The following KLHL29 variants were observed in gnomAD, a reference collection of about 807,000 sequenced individuals.
KLHL29 encodes kelch-like protein 29.
Under a neutral mutation model 80.4 loss-of-function variants are expected in KLHL29, and 21 were observed. The observed-to-expected ratio is 0.26, with a 90% confidence interval of 0.19 to 0.38. KLHL29 has a LOEUF of 0.38. Ranked by LOEUF, KLHL29 falls within the 10% of genes least tolerant of loss-of-function variation. The pLI is 1.00. For synonymous variants in KLHL29, 511 were observed against 526.8 expected, an observed-to-expected ratio of 0.97 and a Z score of 0.41; for missense variants, 867 against 1,223.9, an observed-to-expected ratio of 0.71 and a Z score of 4.35.
intron 3 of KLHL29, among the ~76,000 whole-genome samples, chr2:23,583,647 G>A (rs965722259): frequency 8.5e-5 from 13 of 152,146 alleles, no homozygotes; most frequent in African/African-American, 2.7e-4. Flanking sequence ...CACTCGATGT[G>A]GCCTCCATTT....
At chr2:23,399,543 T>G (rs1666537246) in intron 1 of KLHL29, among the ~76,000 whole-genome samples, 1 of 152,270 alleles carries the variant, frequency 6.6e-6, no homozygotes, top group Non-Finnish European at 1.5e-5. Context: ...ACCCGCTCTG[T>G]GCTGAGCATT....
chr2:23,706,088 C>T (rs578034115), intron 13 of KLHL29, among the ~76,000 whole-genome samples: 12 of 152,254 alleles, frequency 7.9e-5, no homozygotes, highest in East Asian at 3.9e-4. Context: ...TATTCTCTCT[C>T]GTCATTCTTG....
chr2:23,435,899 CT>C (rs769975340), intron 1 of KLHL29, among the ~76,000 whole-genome samples: 641 of 135,408 alleles, frequency 4.7e-3, no homozygotes, highest in Middle Eastern at 0.019. Context: ...CTCTCTCTCT[CT>C]TTTTTTTTTT....
intron 1 of KLHL29, among the ~76,000 whole-genome samples, chr2:23,422,525 T>C (rs569664789): frequency 6.6e-6 from 1 of 152,084 alleles, no homozygotes; most frequent in Non-Finnish European, 1.5e-5. Context: ...TGTCTCTGTG[T>C]GTGTCCATGT....
chr2:23,513,029 G>C (rs1167692783), intron 2 of KLHL29, among the ~76,000 whole-genome samples: 1 of 152,244 alleles, frequency 6.6e-6, no homozygotes, highest in African/African-American at 2.4e-5. Context: ...GCCATCCTTG[G>C]CATGCTTCAC....
At position 23,700,015 on chromosome 2, in the gene KLHL29, T is replaced by C. The variant is rs1418696421; in HGVS notation, c.2106-3171T>C. Among the ~76,000 whole-genome samples, 1 of 152,186 alleles carries C rather than the reference T, an allele frequency of 6.6e-6. No individual in the cohort carries two copies. ...GTCATTCCTACAAATACAGCTACAC[T>C]CGTGCCATCCTTGACTTCCTCTCTC... On this transcript the variant is annotated intron_variant, in intron 11 of 13. Coordinates refer to ENST00000486442, the MANE Select transcript of KLHL29 (RefSeq NM_052920.2). The surrounding 1 kb of genome is among the most constrained non-coding windows in gnomAD (Gnocchi z 4.6).
intron 2 of KLHL29, among the ~76,000 whole-genome samples, chr2:23,512,696 G>C (rs1047327011): frequency 6.6e-6 from 1 of 152,188 alleles, no homozygotes; most frequent in Non-Finnish European, 1.5e-5. Flanking sequence ...GATCTATATA[G>C]CTCAGTGATT....
At chr2:23,539,546 G>A (rs1448158188) in intron 2 of KLHL29, among the ~76,000 whole-genome samples, 8 of 146,238 alleles carry the variant, frequency 5.5e-5, no homozygotes, top group African/African-American at 1.0e-4. Flanking sequence ...GGCTCAAGCC[G>A]TCCTCCTGCC....
At chr2:23,563,947 G>A (rs73919760) in intron 3 of KLHL29, among the ~76,000 whole-genome samples, 32 of 152,370 alleles carry the variant, frequency 2.1e-4, no homozygotes, top group Admixed American at 1.8e-3. Flanking sequence ...GCGCCAGCCC[G>A]AGCGCTGGTC....
Position 23,695,485 on chromosome 2 carries a change from C to A in KLHL29, c.1543-138C>A. The A allele has an allele frequency of 3.0e-6, 2 of 670,788 alleles. No homozygotes were observed. The highest frequency in any genetic ancestry group is 5.0e-6 in the Non-Finnish European group (2 of 400,906). 41.6% of individuals were successfully genotyped at this position (670,788 alleles called of 1,614,324 possible). The stretch of plus-strand genomic sequence containing the variant: ...AGACTTCCCTTCACCTCTGTCTAGG[C>A]TAGCAGAGTATCTACACTCCCAAGC... On this transcript the variant is annotated intron_variant, in intron 8 of 13. Coordinates refer to ENST00000486442, the MANE Select transcript of KLHL29 (RefSeq NM_052920.2). This position sits in a 1 kb window ranked among gnomAD's most constrained non-coding sequence, Gnocchi z 7.6.
chr2:23,570,969 G>C (rs1250425431), intron 3 of KLHL29, among the ~76,000 whole-genome samples: 1 of 152,202 alleles, frequency 6.6e-6, no homozygotes, highest in African/African-American at 2.4e-5. Flanking sequence ...CCTTTGTCCA[G>C]AGTGGATCTG....
At chr2:23,677,663 G>A (rs1273418480) in intron 5 of KLHL29, among the ~76,000 whole-genome samples, 2 of 152,216 alleles carry the variant, frequency 1.3e-5, no homozygotes, top group African/African-American at 2.4e-5. Flanking sequence ...ACCGGGGAGG[G>A]AGGGCAACAT....
chr2:23,389,002 TTTTTTTTA>T (rs1320326913), intron 1 of KLHL29, among the ~76,000 whole-genome samples: 1 of 106,020 alleles, frequency 9.4e-6, no homozygotes, highest in Non-Finnish European at 2.3e-5. Flanking sequence ...TTTTTTTTTT[TTTTTTTTA>T]AAATCCCAGT....
chr2:23,608,760 C>T (rs1299633030), intron 3 of KLHL29, among the ~76,000 whole-genome samples: 1 of 152,174 alleles, frequency 6.6e-6, no homozygotes, highest in African/African-American at 2.4e-5. Context: ...GCACAGAGCA[C>T]TCAATACAAA....
rs764660781 is a variant in KLHL29, at chr2:23,588,753, G to A, written c.285+26272G>A. 1.7e-4 allele frequency among the ~76,000 whole-genome samples: 26 copies of A among 152,306 alleles called. No homozygotes were observed. The East Asian group carries it at 3.9e-3, about 23-fold the overall frequency. On this transcript the variant is annotated intron_variant, in intron 3 of 13. Transcript: ENST00000486442. ...GGCCAGGGTTGTTCTAGGCTGTACC[G>A]GCAGGTGGACTGGAGGCCACAGAGA...
At chr2:23,505,997 T>C (rs1665587259) in intron 2 of KLHL29, among the ~76,000 whole-genome samples, 4 of 152,158 alleles carry the variant, frequency 2.6e-5, no homozygotes, top group Admixed American at 6.5e-5. Context: ...CCCCCGATCA[T>C]GCAGCCCAGA....
At chr2:23,467,806 G>A (rs549798065) in intron 1 of KLHL29, among the ~76,000 whole-genome samples, 82 of 152,176 alleles carry the variant, frequency 5.4e-4, no homozygotes, top group Non-Finnish European at 7.4e-4. Flanking sequence ...TGGAGGGAGC[G>A]GAGAGTGGTC....
chr2:23,642,577 G>A lies in KLHL29; in HGVS notation c.667G>A (p.Ala223Thr). 6.5e-7 allele frequency: 1 copy of A among 1,549,870 alleles called. No individual in the cohort carries two copies. The highest frequency in any genetic ancestry group is 8.7e-7 in the Non-Finnish European group (1 of 1,146,416). Reference sequence around the variant, plus strand: ...GAGCAGCGTGGTGGTCAACATGCCTGCCCAGGCCCTGTATGCCAGCCCTCA... The same window carrying A: ...GAGCAGCGTGGTGGTCAACATGCCTACCCAGGCCCTGTATGCCAGCCCTCA... ...PLSSVVVNMPAQALYASPQPL... is the reference protein window; with the variant it reads ...PLSSVVVNMPTQALYASPQPL... Residue 223 changes from alanine to threonine, a missense_variant, in exon 5 of 14, where the codon GCC becomes ACC. This residue lies in a region of KLHL29 where 424 missense variants were observed against 456.9 expected (regional missense o/e 0.93). Transcript: ENST00000486442.
At chr2:23,536,578 T>C (rs965102321) in intron 2 of KLHL29, among the ~76,000 whole-genome samples, 5 of 152,196 alleles carry the variant, frequency 3.3e-5, no homozygotes, top group Admixed American at 2.0e-4. Context: ...ACCCTTCCCA[T>C]GCTCAGAGGA....
Sources: allele counts gnomAD v4.1 joint callset (sites outside exome capture counted in the v4.1 genomes callset), GRCh38; gene constraint gnomAD v4.1.1; regional missense constraint gnomAD v4.1.1; non-coding constraint Gnocchi (gnomAD v3.1); transcripts MANE v1.5; gene names NCBI Gene and HGNC (gene_info 2026-07-23, HGNC 2026-07-21).